ADAM32: variants seen among roughly 807,000 people sequenced by gnomAD.
ADAM32 encodes disintegrin and metalloproteinase domain-containing protein 32.
In ADAM32, 89 loss-of-function variants were observed where a neutral mutation model predicts 114.9. That is an observed-to-expected ratio of 0.77 (90% CI 0.65 to 0.92). The LOEUF (loss-of-function observed/expected upper bound fraction) is 0.92, where lower values mean the gene tolerates loss of function less well. Ranked by LOEUF, ADAM32 falls within the 40% of genes least tolerant of loss-of-function variation. ADAM32 has a pLI of 0.00. For synonymous variants in ADAM32, 285 were observed against 307.5 expected (o/e 0.93, Z 0.77); for missense variants, 870 against 932.8 (o/e 0.93, Z 0.88).
At chr8:39,206,496 C>T (rs1807842855) in intron 11 of ADAM32, among the ~76,000 whole-genome samples, 1 of 152,216 alleles carries the variant, frequency 6.6e-6, no homozygotes, top group South Asian at 2.1e-4. Context: ...AGCATGTTAT[C>T]AGGCCAGTCC....
At chr8:39,232,242 G>T (rs1809789991) in intron 15 of ADAM32, 107 bp downstream of exon 15, 1 of 775,056 alleles carries the variant, frequency 1.3e-6, no homozygotes, top group African/African-American at 1.8e-5. Context: ...TATTACATGT[G>T]CATAGGAGTG....
chr8:39,131,371 GTC>G (rs888788122), intron 2 of ADAM32, among the ~76,000 whole-genome samples: 1 of 152,144 alleles, frequency 6.6e-6, no homozygotes, highest in African/African-American at 2.4e-5. Flanking sequence ...CATGCCTGTA[GTC>G]TCAGCTACCT....
chr8:39,201,219 T>A (rs537623508), intron 11 of ADAM32, among the ~76,000 whole-genome samples: 1 of 152,348 alleles, frequency 6.6e-6, no homozygotes, highest in Admixed American at 6.5e-5. Context: ...TTGGGCAGTA[T>A]GGCCATTTTC....
chr8:39,146,198 A>C (rs544934585), intron 3 of ADAM32, among the ~76,000 whole-genome samples: 33 of 152,164 alleles, frequency 2.2e-4, no homozygotes, highest in Non-Finnish European at 4.3e-4. Context: ...GAAGTGAGGA[A>C]GCATAACTAA....
chr8:39,139,949 G>C (rs949503527), intron 3 of ADAM32, among the ~76,000 whole-genome samples: 1 of 152,176 alleles, frequency 6.6e-6, no homozygotes, highest in African/African-American at 2.4e-5. Flanking sequence ...GTGAATGGGA[G>C]TTCACTCATG....
intron 14 of ADAM32, among the ~76,000 whole-genome samples, chr8:39,227,473 T>C (rs898761002): frequency 6.6e-6 from 1 of 152,010 alleles, no homozygotes; most frequent in Admixed American, 6.6e-5. Flanking sequence ...GGAAACAGAC[T>C]CGGGGCTGTT....
chr8:39,114,413 A>C (rs965408692), intron 1 of ADAM32, among the ~76,000 whole-genome samples: 1 of 152,210 alleles, frequency 6.6e-6, no homozygotes, highest in Non-Finnish European at 1.5e-5. Context: ...CAGGTGTAGG[A>C]ACCAGGGAAG....
chr8:39,260,885 T>A (rs1461125874), intron 19 of ADAM32, among the ~76,000 whole-genome samples: 2 of 152,240 alleles, frequency 1.3e-5, no homozygotes, highest in Admixed American at 6.5e-5. Flanking sequence ...TTCTGTTTTT[T>A]TCTTTGTTGG....
At chr8:39,135,912 G>A (rs1802774075) in intron 2 of ADAM32, among the ~76,000 whole-genome samples, 1 of 152,056 alleles carries the variant, frequency 6.6e-6, no homozygotes, top group African/African-American at 2.4e-5. Context: ...TTTCTGACCT[G>A]GAAACAAACT....
At chr8:39,200,499 G>A (rs1357937892) in intron 11 of ADAM32, among the ~76,000 whole-genome samples, 2 of 152,132 alleles carry the variant, frequency 1.3e-5, no homozygotes, top group African/African-American at 4.8e-5. Context: ...ATTTGTTGGA[G>A]TTCTTTGTAG....
In ADAM32 at chr8:39,257,416, G is replaced by A. The variant is rs1417635792; in HGVS notation, c.2162+73G>A. On this transcript the variant is annotated intron_variant, in intron 19 of 24. Transcript: ENST00000379907. ...CTAGTTATATGTAAGACAATATCACGAGCAGTAGCAATACTTTACATATCA... is the reference window on the plus strand; with the variant it reads ...CTAGTTATATGTAAGACAATATCACAAGCAGTAGCAATACTTTACATATCA... 4.3e-5 allele frequency: 65 copies of A among 1,516,848 alleles called. 1 individual carries two copies. The highest frequency in any genetic ancestry group is 8.3e-5 in the African/African-American group (6 of 72,422). The allele number at this position is 1,516,848 out of a possible 1,614,324, so 94.0% of individuals were successfully genotyped here. A position where few individuals can be genotyped will look rare whatever the true frequency, so the allele number is the denominator to read the frequency against.
chr8:39,207,053 G>A (rs992192294), intron 11 of ADAM32, among the ~76,000 whole-genome samples: 3 of 152,150 alleles, frequency 2.0e-5, no homozygotes, highest in African/African-American at 7.2e-5. Flanking sequence ...TAGGACTGTA[G>A]CTGTCCACAA....
At chr8:39,144,196 G>A (rs917418609) in intron 3 of ADAM32, among the ~76,000 whole-genome samples, 2 of 152,146 alleles carry the variant, frequency 1.3e-5, no homozygotes, top group African/African-American at 2.4e-5. Flanking sequence ...ACAACACCCT[G>A]TCCTGGTTCA....
chr8:39,202,531 A>T (rs1020543372), intron 11 of ADAM32, among the ~76,000 whole-genome samples: 25 of 152,028 alleles, frequency 1.6e-4, no homozygotes, highest in African/African-American at 6.0e-4. Context: ...CTTCTTTGTT[A>T]GTCTTGCTAG....
intron 12 of ADAM32, 161 bp from the exon 13 acceptor site, chr8:39,221,449 A>C (rs1040738673): frequency 3.4e-6 from 2 of 592,828 alleles, no homozygotes; most frequent in Admixed American, 2.9e-5. Flanking sequence ...AAAGTCCTAC[A>C]TTAGTGTTTT....
chr8:39,112,515 T>G (rs897123326), intron 1 of ADAM32, among the ~76,000 whole-genome samples: 2 of 152,262 alleles, frequency 1.3e-5, no homozygotes, highest in Non-Finnish European at 2.9e-5. Flanking sequence ...TTTACAACTT[T>G]AGACAACGTA....
intron 19 of ADAM32, among the ~76,000 whole-genome samples, chr8:39,260,712 C>T (rs1396665696): frequency 1.3e-5 from 2 of 151,904 alleles, no homozygotes; most frequent in East Asian, 1.9e-4. Context: ...CTATTATTTT[C>T]TTTTGTAATG....
intron 19 of ADAM32, among the ~76,000 whole-genome samples, chr8:39,261,333 C>A (rs182893881): frequency 2.1e-4 from 32 of 152,196 alleles, no homozygotes; most frequent in Admixed American, 6.5e-4. Flanking sequence ...AGTTTCTGTT[C>A]CTGGCTTATT....
intron 11 of ADAM32, among the ~76,000 whole-genome samples, chr8:39,200,044 C>T (rs1807290504): frequency 6.6e-6 from 1 of 152,084 alleles, no homozygotes; most frequent in Non-Finnish European, 1.5e-5. Context: ...GGGTTGGTTC[C>T]AAGTCTTTGC....
Sources: allele counts gnomAD v4.1 joint callset (sites outside exome capture counted in the v4.1 genomes callset), GRCh38; gene constraint gnomAD v4.1.1; transcripts MANE v1.5; gene names NCBI Gene and HGNC (gene_info 2026-07-23, HGNC 2026-07-21).